The following TMPRSS11F variants were observed in gnomAD, a reference collection of about 807,000 sequenced individuals.
TMPRSS11F encodes the protein transmembrane serine protease 11F.
Under a neutral mutation model 60.2 loss-of-function variants are expected in TMPRSS11F, and 47 were observed. The observed-to-expected ratio is 0.78, with a 90% CI of 0.62 to 1.00. TMPRSS11F has a LOEUF of 1.00. Ranked by LOEUF, TMPRSS11F falls within the 50% of genes least tolerant of loss-of-function variation. TMPRSS11F has a pLI of 0.00. For missense variants in TMPRSS11F, 519 were observed against 522.9 expected (o/e 0.99, Z 0.07); for synonymous variants, 166 against 167.3 (o/e 0.99, Z 0.06).
chr4:68,091,747 A>ATCTCTCTC (rs372346277), intron 2 of TMPRSS11F, among the ~76,000 whole-genome samples: 167 of 71,592 alleles, frequency 2.3e-3, no homozygotes, highest in African/African-American at 6.2e-3. Flanking sequence ...TTAATCTCTA[A>ATCTCTCTC]TCTCTCTCTC....
At chr4:68,114,110 C>T (rs1412172399) in intron 1 of TMPRSS11F, among the ~76,000 whole-genome samples, 1 of 151,714 alleles carries the variant, frequency 6.6e-6, no homozygotes, top group African/African-American at 2.4e-5. Flanking sequence ...GAGATGCACA[C>T]AAGGCAATGA....
chr4:68,116,557 CAA>C (rs1271282608), intron 1 of TMPRSS11F, among the ~76,000 whole-genome samples: 1 of 152,106 alleles, frequency 6.6e-6, no homozygotes, highest in East Asian at 1.9e-4. Flanking sequence ...GCAAGAACAA[CAA>C]TGCTAGAGGT....
At chr4:68,072,765 G>T (rs914820544) in intron 4 of TMPRSS11F, among the ~76,000 whole-genome samples, 3 of 152,090 alleles carry the variant, frequency 2.0e-5, no homozygotes, top group Admixed American at 6.6e-5. Context: ...TAGTTTAGAG[G>T]GGTTTGCGGG....
At position 68,054,138 on chromosome 4, in the gene TMPRSS11F, T is replaced by TCC. The variant is rs1470681709; in HGVS notation, c.1159-72_1159-71insGG. 23 of 1,442,710 alleles carry TCC rather than the reference T, an allele frequency of 1.6e-5. 2 individuals carry two copies. In the African/African-American group the frequency reaches 2.8e-4, roughly 18 times the overall value. 89.4% of individuals were successfully genotyped at this position (1,442,710 alleles called of 1,614,324 possible). A position where few individuals can be genotyped will look rare whatever the true frequency, so the allele number is the denominator to read the frequency against. On this transcript the variant is annotated intron_variant, in intron 9 of 9. Coordinates refer to ENST00000356291, the MANE Select transcript of TMPRSS11F (RefSeq NM_207407.2). Reference sequence around the variant, plus strand: ...GTGGGAAGGTATTGTAATCTGACGTTCACAGAGAAAAAAGGAAATTGGTAC... The same window carrying TCC: ...GTGGGAAGGTATTGTAATCTGACGTTCCCACAGAGAAAAAAGGAAATTGGTAC...
intron 2 of TMPRSS11F, among the ~76,000 whole-genome samples, chr4:68,095,498 T>A (rs765455276): frequency 6.6e-6 from 1 of 151,914 alleles, no homozygotes; most frequent in Non-Finnish European, 1.5e-5. Flanking sequence ...AATTAGCAAA[T>A]ATAAAAAACT....
intron 2 of TMPRSS11F, among the ~76,000 whole-genome samples, chr4:68,098,355 A>G (rs1724119848): frequency 6.6e-6 from 1 of 152,170 alleles, no homozygotes; most frequent in African/African-American, 2.4e-5. Context: ...AATGAATCTT[A>G]GTTGATTGTC....
At chr4:68,122,294 C>T (rs908022020) in intron 1 of TMPRSS11F, among the ~76,000 whole-genome samples, 4 of 152,068 alleles carry the variant, frequency 2.6e-5, no homozygotes, top group Non-Finnish European at 5.9e-5. Flanking sequence ...ATAGACCCTA[C>T]TTTTATTTTG....
At chr4:68,120,312 A>G (rs946491178) in intron 1 of TMPRSS11F, among the ~76,000 whole-genome samples, 16 of 152,088 alleles carry the variant, frequency 1.1e-4, no homozygotes, top group Admixed American at 8.5e-4. Flanking sequence ...ACTGACTCCA[A>G]CTTTGAAAAA....
At chr4:68,127,333 A>G (rs1724733838) in intron 1 of TMPRSS11F, among the ~76,000 whole-genome samples, 1 of 152,130 alleles carries the variant, frequency 6.6e-6, no homozygotes, top group African/African-American at 2.4e-5. Flanking sequence ...GCACCCCTGT[A>G]GCAGCATGTC....
intron 2 of TMPRSS11F, among the ~76,000 whole-genome samples, chr4:68,093,570 C>G (rs1285616483): frequency 1.3e-5 from 2 of 151,896 alleles, no homozygotes; most frequent in Non-Finnish European, 2.9e-5. Flanking sequence ...AACTAAAGAG[C>G]TTCTGCACAG....
intron 1 of TMPRSS11F, among the ~76,000 whole-genome samples, chr4:68,103,040 G>T (rs577835175): frequency 7.2e-6 from 1 of 139,292 alleles, no homozygotes; most frequent in Admixed American, 7.5e-5. Context: ...TTTTGCATGT[G>T]GAAATCTTGT....
At chr4:68,116,767 T>C (rs1417299924) in intron 1 of TMPRSS11F, among the ~76,000 whole-genome samples, 3 of 151,786 alleles carry the variant, frequency 2.0e-5, no homozygotes, top group Non-Finnish European at 2.9e-5. Flanking sequence ...CAATAAAGAG[T>C]ATTAGGGAAA....
rs1723383368 is a variant in TMPRSS11F, at chr4:68,068,660, A to G, written c.713T>C (p.Ile238Thr). Residue 238 changes from isoleucine (I) to threonine (T), a missense_variant, in exon 7 of 10, where the codon ATC (isoleucine) becomes ACC (threonine). Coordinates refer to ENST00000356291, the MANE Select transcript of TMPRSS11F (RefSeq NM_207407.2). ...GSGHQCGASL[I>T]SNTWLLTAAH... ...TGCTGTGAGCAGCCATGTGTTACTG[A>G]TGAGGCTGGCTCCACACTGATGGCC... 1.2e-6 allele frequency: 2 copies of G among 1,614,088 alleles called. No homozygotes were observed. Among genetic ancestry groups the G allele is most frequent in the African/African-American group, 1.3e-5 (1 of 74,936 alleles).
At chr4:68,110,045 T>C (rs1255954794) in intron 1 of TMPRSS11F, among the ~76,000 whole-genome samples, 2 of 152,336 alleles carry the variant, frequency 1.3e-5, no homozygotes, top group East Asian at 3.9e-4. Context: ...ATGTCTTACA[T>C]ATGTCTTAAC....
chr4:68,086,830 T>G (rs1296741223), intron 3 of TMPRSS11F, among the ~76,000 whole-genome samples: 1 of 151,952 alleles, frequency 6.6e-6, no homozygotes, highest in Admixed American at 6.6e-5. Context: ...AAGTAGAAAT[T>G]GAAAACCTGA....
In TMPRSS11F at chr4:68,073,947, T is replaced by C. The variant is rs777426230; in HGVS notation, c.345A>G (p.Lys115=). 2 of 1,572,270 alleles carry C rather than the reference T, an allele frequency of 1.3e-6. No individual in the cohort carries two copies. The highest frequency in any genetic ancestry group is 1.2e-5 in the South Asian group (1 of 84,258). Residue 115 remains lysine, a synonymous_variant, in exon 4 of 10, where the codon AAA becomes AAG. Coordinates refer to ENST00000356291, the MANE Select transcript of TMPRSS11F (RefSeq NM_207407.2). ...TATAAACCAAATTTACATACCTTAA[T>C]TTGATAACATGAGATTTGATAAATC... ...GGRFIKSHVI[K]LSPDEQGVDI... is the part of the protein sequence containing the mutation.
chr4:68,068,918 A>C, intron 6 of TMPRSS11F, 99 bp from the exon 7 acceptor site: 1 of 1,221,566 alleles, frequency 8.2e-7, no homozygotes, highest in East Asian at 2.4e-5. Context: ...CCCTGCTACC[A>C]TGTGAACCAT....
intron 3 of TMPRSS11F, among the ~76,000 whole-genome samples, chr4:68,088,811 CA>C (rs149579882): frequency 0.036 from 5,420 of 152,070 alleles, 275 homozygotes; most frequent in African/African-American, 0.11. Flanking sequence ...ACAATAGCCA[CA>C]AAAAGAATAA....
At chr4:68,118,862 T>C (rs893296619) in intron 1 of TMPRSS11F, among the ~76,000 whole-genome samples, 1 of 152,156 alleles carries the variant, frequency 6.6e-6, no homozygotes, top group African/African-American at 2.4e-5. Flanking sequence ...AAGGATCATC[T>C]AATTAGGGTG....
Sources: gnomAD v4.1 joint callset for allele counts (sites outside exome capture counted in the v4.1 genomes callset) on GRCh38, gnomAD v4.1.1 for gene constraint, MANE v1.5 for transcripts, NCBI Gene and HGNC (gene_info 2026-07-23, HGNC 2026-07-21) for gene names.